Variants in ASCC1 observed in about 807,000 individuals in gnomAD.
The protein encoded by ASCC1 is activating signal cointegrator 1 complex subunit 1.
A neutral mutation model predicts 46.6 loss-of-function variants in ASCC1; 35 were observed. The ratio of observed to expected loss-of-function variants is 0.75; its 90% CI spans 0.57 to 0.99. The LOEUF is 0.99. Ranked by LOEUF, ASCC1 falls within the 50% of genes least tolerant of loss-of-function variation. The pLI, the probability that ASCC1 is intolerant of heterozygous loss-of-function variation, is 0.00. For synonymous variants in ASCC1, 143 were observed against 146.6 expected, an observed-to-expected ratio of 0.98 and a Z score of 0.18; for missense variants, 376 against 428.7, an observed-to-expected ratio of 0.88 and a Z score of 1.09.
chr10:72,117,803 A>G (rs1843668786), intron 9 of ASCC1, among the ~76,000 whole-genome samples: 1 of 152,210 alleles, frequency 6.6e-6, no homozygotes, highest in Non-Finnish European at 1.5e-5. Context: ...TTTGTGTATT[A>G]GCTTTAAAAG....
chr10:72,190,279 G>A (rs1292270942), intron 5 of ASCC1: 5 of 798,310 alleles, frequency 6.3e-6, no homozygotes, highest in Non-Finnish European at 1.1e-5. Context: ...GTGGAGTTCT[G>A]AGAGTCCTGA....
chr10:72,125,513 T>C (rs139103425), intron 9 of ASCC1, among the ~76,000 whole-genome samples: 1 of 152,340 alleles, frequency 6.6e-6, no homozygotes, highest in Admixed American at 6.5e-5. Context: ...TCAGGAGCCA[T>C]GGATTCTCAT....
intron 4 of ASCC1, chr10:72,198,726 G>A (rs1353980520): frequency 2.2e-6 from 1 of 455,476 alleles, no homozygotes. Context: ...GAATGCAACT[G>A]CAGACTTGAC....
intron 5 of ASCC1, among the ~76,000 whole-genome samples, chr10:72,179,564 C>T (rs1294676424): frequency 1.3e-5 from 2 of 152,200 alleles, no homozygotes; most frequent in African/African-American, 4.8e-5. Context: ...TACGCAACTT[C>T]GTATCACTGC....
intron 9 of ASCC1, among the ~76,000 whole-genome samples, chr10:72,097,707 A>C (rs1482778704): frequency 6.6e-6 from 1 of 152,230 alleles, no homozygotes; most frequent in Non-Finnish European, 1.5e-5. Context: ...GAGGTTCTGA[A>C]AAGTCAAATC....
At chr10:72,113,984 C>T (rs888046261) in intron 9 of ASCC1, among the ~76,000 whole-genome samples, 5 of 152,320 alleles carry the variant, frequency 3.3e-5, no homozygotes, top group East Asian at 3.9e-4. Flanking sequence ...GCACCATTTA[C>T]TTGCAAGTTC....
chr10:72,192,353 G>A (rs1854643093), intron 5 of ASCC1, among the ~76,000 whole-genome samples: 1 of 152,012 alleles, frequency 6.6e-6, no homozygotes, highest in Non-Finnish European at 1.5e-5. Context: ...TACTTGGGAA[G>A]CTGTGCCAGA....
chr10:72,098,014 T>C (rs1319011871), intron 9 of ASCC1, among the ~76,000 whole-genome samples: 1 of 152,224 alleles, frequency 6.6e-6, no homozygotes, highest in Non-Finnish European at 1.5e-5. Context: ...CAAGGGACAC[T>C]TCTACTGCCA....
At chr10:72,141,703 T>C (rs1275010090) in intron 7 of ASCC1, among the ~76,000 whole-genome samples, 1 of 152,210 alleles carries the variant, frequency 6.6e-6, no homozygotes, top group Non-Finnish European at 1.5e-5. Context: ...AATTACTGAA[T>C]AGATTTAAGC....
chr10:72,188,342 C>T (rs1277620670), intron 5 of ASCC1, among the ~76,000 whole-genome samples: 1 of 151,942 alleles, frequency 6.6e-6, no homozygotes, highest in Admixed American at 6.6e-5. Context: ...TGGTCTCGAA[C>T]TCCTGACCTC....
intron 9 of ASCC1, among the ~76,000 whole-genome samples, chr10:72,109,130 G>A (rs1377393297): frequency 6.6e-6 from 1 of 152,132 alleles, no homozygotes; most frequent in Non-Finnish European, 1.5e-5. Flanking sequence ...ATAAAAGAGA[G>A]GACATAATGC....
At chr10:72,141,044 G>GATAGATAT (rs1846911524) in intron 7 of ASCC1, among the ~76,000 whole-genome samples, 1 of 123,490 alleles carries the variant, frequency 8.1e-6, no homozygotes. Context: ...TTTATAGATA[G>GATAGATAT]ATAGATAGAT....
chr10:72,200,740 A>G (rs1856384530), intron 4 of ASCC1, among the ~76,000 whole-genome samples: 1 of 152,144 alleles, frequency 6.6e-6, no homozygotes, highest in Admixed American at 6.6e-5. Flanking sequence ...CTTGAATGTT[A>G]AAACTCAAGG....
At chr10:72,148,492 A>T (rs949495621) in intron 7 of ASCC1, among the ~76,000 whole-genome samples, 3 of 152,142 alleles carry the variant, frequency 2.0e-5, no homozygotes, top group African/African-American at 7.2e-5. Context: ...TTCTCAAAAG[A>T]GAAAATCAAG....
At chr10:72,170,593 C>CAAAAAAAAA (rs1038487604) in intron 5 of ASCC1, among the ~76,000 whole-genome samples, 5 of 58,824 alleles carry the variant, frequency 8.5e-5, no homozygotes, top group Admixed American at 2.1e-4. Context: ...GACTGTATCT[C>CAAAAAAAAA]AAAAAAAAAA....
chr10:72,114,695 T>C (rs1346874336), intron 9 of ASCC1, among the ~76,000 whole-genome samples: 2 of 152,100 alleles, frequency 1.3e-5, no homozygotes, highest in Admixed American at 6.6e-5. Context: ...TCAATAGGAT[T>C]GACTGTTGTT....
chr10:72,099,122 G>C (rs899440846), intron 9 of ASCC1, among the ~76,000 whole-genome samples: 1 of 152,108 alleles, frequency 6.6e-6, no homozygotes, highest in Non-Finnish European at 1.5e-5. Flanking sequence ...TTGGCAGCCT[G>C]TGAGTGCTAC....
At chr10:72,101,835 TACAA>T (rs2131897165) in intron 9 of ASCC1, among the ~76,000 whole-genome samples, 1 of 152,234 alleles carries the variant, frequency 6.6e-6, no homozygotes, top group East Asian at 1.9e-4. Context: ...GTGTCTCAAC[TACAA>T]ACAGGCAGTG....
chr10:72,103,210 G>C (rs1428308229), intron 9 of ASCC1, among the ~76,000 whole-genome samples: 2 of 150,972 alleles, frequency 1.3e-5, no homozygotes, highest in Non-Finnish European at 2.9e-5. Flanking sequence ...TCAGCTCACT[G>C]CAAGCTCCAC....
Sources: gnomAD v4.1 joint callset for allele counts (sites outside exome capture counted in the v4.1 genomes callset) on GRCh38, gnomAD v4.1.1 for gene constraint, MANE v1.5 for transcripts, NCBI Gene and HGNC (gene_info 2026-07-23, HGNC 2026-07-21) for gene names.